CCDC83: variants seen among roughly 807,000 people sequenced by gnomAD.
CCDC83 encodes the protein coiled-coil domain containing 83.
Under a neutral mutation model 50.1 loss-of-function variants are expected in CCDC83, and 54 were observed. The ratio of observed to expected loss-of-function variants is 1.08; its 90% CI spans 0.87 to 1.35. The LOEUF (loss-of-function observed/expected upper bound fraction) is 1.35, where lower values mean the gene tolerates loss of function less well. Among genes scored for constraint, CCDC83 ranks in the 40% most tolerant of loss-of-function variants. The probability of loss-of-function intolerance (pLI) is 0.00; values close to 1 mark genes in which losing one functional copy is unlikely to be tolerated. For synonymous variants in CCDC83, 161 were observed against 153.3 expected, an observed-to-expected ratio of 1.05 and a Z score of -0.37; for missense variants, 518 against 473.9, an observed-to-expected ratio of 1.09 and a Z score of -0.86.
At chr11:85,914,704 T>G (rs1206917563) in intron 8 of CCDC83, among the ~76,000 whole-genome samples, 2 of 152,216 alleles carry the variant, frequency 1.3e-5, no homozygotes, top group African/African-American at 4.8e-5. Flanking sequence ...TGCCCTTCTT[T>G]CACCCCTAGC....
At chr11:85,904,538 C>T (rs1161665138) in intron 7 of CCDC83, among the ~76,000 whole-genome samples, 2 of 152,204 alleles carry the variant, frequency 1.3e-5, no homozygotes, top group African/African-American at 2.4e-5. Flanking sequence ...TTTGAGAGAA[C>T]GCACTTCAGC....
Position 85,912,735 on chromosome 11 carries a change from G to A in CCDC83, c.794+1333G>A, listed in dbSNP as rs75426661. ...GAATCATGTCTAATCTCTGCCAGGC[G>A]TTGCTGGTATGTGGCTTCTAACTAC... On this transcript the variant is annotated intron_variant, in intron 8 of 10. Coordinates refer to ENST00000342404, the MANE Select transcript of CCDC83 (RefSeq NM_001286159.2). 1,346 of 1,599,938 alleles carry A rather than the reference G, an allele frequency of 8.4e-4. 14 individuals are homozygous for A. In the African/African-American group the frequency reaches 0.015, roughly 18 times the overall value.
At chr11:85,856,184 CAA>C (rs370054964) in intron 1 of CCDC83, among the ~76,000 whole-genome samples, 173 of 94,832 alleles carry the variant, frequency 1.8e-3, no homozygotes, top group Admixed American at 4.4e-3. Context: ...CTATCTAAGC[CAA>C]AAAAAAAAAA....
intron 10 of CCDC83, chr11:85,916,579 T>G (rs1457017563): frequency 3.4e-6 from 1 of 290,852 alleles, no homozygotes; most frequent in Non-Finnish European, 6.5e-6. Flanking sequence ...ACTAGACAGT[T>G]CTCACTTGGT....
intron 2 of CCDC83, among the ~76,000 whole-genome samples, chr11:85,869,704 G>A (rs1016296022): frequency 6.6e-6 from 1 of 152,210 alleles, no homozygotes; most frequent in Admixed American, 6.5e-5. Context: ...AGCACCTAGT[G>A]TGACATGTCA....
At chr11:85,900,830 TGAG>T (rs2093397774) in intron 7 of CCDC83, among the ~76,000 whole-genome samples, 1 of 152,152 alleles carries the variant, frequency 6.6e-6, no homozygotes, top group African/African-American at 2.4e-5. Context: ...TTTGGGAGGC[TGAG>T]GAGGGCAGAT....
At chr11:85,888,780 T>C (rs2093338791) in intron 5 of CCDC83, among the ~76,000 whole-genome samples, 1 of 152,202 alleles carries the variant, frequency 6.6e-6, no homozygotes. Flanking sequence ...TTTCCAGTTG[T>C]TCCAACATCA....
chr11:85,875,102 T>C (rs1455710747), intron 3 of CCDC83, among the ~76,000 whole-genome samples: 8 of 152,194 alleles, frequency 5.3e-5, no homozygotes, highest in Admixed American at 5.2e-4. Flanking sequence ...GGCAGGAAAG[T>C]TCCCAATATG....
At chr11:85,917,167 A>AGAGAGAGAGAGAGAGAGG (rs1554986879) in intron 10 of CCDC83, among the ~76,000 whole-genome samples, 1 of 86,912 alleles carries the variant, frequency 1.2e-5, no homozygotes, top group African/African-American at 4.1e-5. Flanking sequence ...AGAGAGAGAG[A>AGAGAGAGAGAGAGAGAGG]GAAAGAAAGA....
intron 10 of CCDC83, 54 bp from the exon 11 acceptor site, chr11:85,919,295 C>A: frequency 6.7e-7 from 1 of 1,483,192 alleles, no homozygotes; most frequent in Non-Finnish European, 9.1e-7. Context: ...ATCTATCAAG[C>A]TGGTAATTTG....
intron 5 of CCDC83, among the ~76,000 whole-genome samples, chr11:85,887,382 G>A (rs556181569): frequency 5.9e-5 from 9 of 152,220 alleles, no homozygotes; most frequent in East Asian, 1.9e-4. Context: ...AGTGCCCTGC[G>A]TTGTGGAGGG....
chr11:85,895,358 G>C lies in CCDC83; in HGVS notation c.577G>C (p.Asp193His). ...KIIKETLLQL[D>H]QKKEWATQNA... ...AATCAAGGAAACTTTGTTGCAACTG[G>C]ACCAAAAGAAGGAATGGGCCACACA... The change falls in exon 6 of 11, where the codon GAC (aspartate) becomes CAC (histidine). Residue 193 changes from aspartate to histidine, a missense_variant. By Grantham distance (81) the Asp-to-His change is moderately conservative. Coordinates refer to ENST00000342404, the MANE Select transcript of CCDC83 (RefSeq NM_001286159.2). 1 of 1,575,942 alleles carries C rather than the reference G, an allele frequency of 6.3e-7. No homozygotes were observed. Among genetic ancestry groups the C allele is most frequent in the Non-Finnish European group, 8.6e-7 (1 of 1,157,302 alleles).
chr11:85,893,759 T>C (rs539456267), intron 5 of CCDC83, among the ~76,000 whole-genome samples: 1 of 152,342 alleles, frequency 6.6e-6, no homozygotes, highest in East Asian at 1.9e-4. Context: ...CTAGGCTGCA[T>C]GCTCCTTATA....
In CCDC83 at chr11:85,873,312, G is replaced by C. The variant is rs775411167; in HGVS notation, c.180+17G>C. Reference sequence around the variant, plus strand: ...CATGAAAGAGTGAGTATAAAATTTAGAACCTATATATAGTCATTAAATATT... The same window carrying C: ...CATGAAAGAGTGAGTATAAAATTTACAACCTATATATAGTCATTAAATATT... On this transcript the variant is annotated intron_variant, in intron 3 of 10. Coordinates refer to ENST00000342404, the MANE Select transcript of CCDC83 (RefSeq NM_001286159.2). 2 of 1,114,248 alleles carry C rather than the reference G, an allele frequency of 1.8e-6. No homozygotes were observed. Among genetic ancestry groups the C allele is most frequent in the Non-Finnish European group, 2.6e-6 (2 of 760,578 alleles). The allele number at this position is 1,114,248 out of a possible 1,614,324, so 69.0% of individuals were successfully genotyped here.
At chr11:85,889,325 C>A (rs2093341001) in intron 5 of CCDC83, among the ~76,000 whole-genome samples, 1 of 152,216 alleles carries the variant, frequency 6.6e-6, no homozygotes, top group Non-Finnish European at 1.5e-5. Flanking sequence ...GCACTGTAGT[C>A]TAGGTGACAG....
At chr11:85,912,098 T>G (rs1173174382) in intron 8 of CCDC83, among the ~76,000 whole-genome samples, 2 of 152,034 alleles carry the variant, frequency 1.3e-5, no homozygotes, top group Non-Finnish European at 2.9e-5. Context: ...AATAGTAGCA[T>G]GTTTAGGAAG....
intron 7 of CCDC83, 48 bp downstream of exon 7, chr11:85,899,063 T>TAA: frequency 7.2e-7 from 1 of 1,381,012 alleles, no homozygotes; most frequent in Non-Finnish European, 1.0e-6. Flanking sequence ...CTCATTTTTT[T>TAA]AAGTGGAAAT....
intron 7 of CCDC83, among the ~76,000 whole-genome samples, chr11:85,906,202 A>G (rs540189161): frequency 6.6e-6 from 1 of 151,706 alleles, no homozygotes; most frequent in Admixed American, 6.6e-5. Flanking sequence ...AGTAGCTGGG[A>G]TTACAGCTGC....
At chr11:85,882,797 C>A in intron 4 of CCDC83, 122 bp downstream of exon 4, 2 of 831,538 alleles carry the variant, frequency 2.4e-6, no homozygotes, top group Non-Finnish European at 3.7e-6. Context: ...GGCATCATTA[C>A]CACCGCAGCC....
Sources: allele counts gnomAD v4.1 joint callset (sites outside exome capture counted in the v4.1 genomes callset), GRCh38; gene constraint gnomAD v4.1.1; transcripts MANE v1.5; gene names NCBI Gene and HGNC (gene_info 2026-07-23, HGNC 2026-07-21).